The following EYS variants were observed in gnomAD, a reference collection of about 807,000 sequenced individuals.
EYS encodes EGF-like photoreceptor maintenance factor, also known as protein eyes shut homolog.
Under a neutral mutation model 282.1 loss-of-function variants are expected in EYS, and 250 were observed. That is an observed-to-expected ratio of 0.89 (90% CI 0.80 to 0.98). The LOEUF (loss-of-function observed/expected upper bound fraction) is 0.98, where lower values mean the gene tolerates loss of function less well. EYS is among the 50% of genes least tolerant of loss of function. The pLI, the probability that EYS is intolerant of heterozygous loss-of-function variation, is 0.00. For synonymous variants in EYS, 1,355 were observed against 1,282.9 expected (o/e 1.06, Z -1.20); for missense variants, 4,016 against 3,709.0 (o/e 1.08, Z -2.15).
chr6:64,772,954 G>A (rs989832485), intron 22 of EYS, among the ~76,000 whole-genome samples: 1 of 151,778 alleles, frequency 6.6e-6, no homozygotes, highest in African/African-American at 2.4e-5. Flanking sequence ...TACAGAAAGA[G>A]GAAGAGTGAC....
At chr6:65,580,086 C>A (rs905646431) in intron 2 of EYS, among the ~76,000 whole-genome samples, 5 of 151,866 alleles carry the variant, frequency 3.3e-5, no homozygotes, top group African/African-American at 1.2e-4. Context: ...TTTTACAGAC[C>A]TAAGACACAT....
At chr6:63,836,367 CCAAAAAATGACATTTCTAG>C (rs1281091321) in intron 36 of EYS, among the ~76,000 whole-genome samples, 1 of 151,082 alleles carries the variant, frequency 6.6e-6, no homozygotes, top group Non-Finnish European at 1.5e-5. Flanking sequence ...TTGTCTTTTA[CCAAAAAATGACATTTCTAG>C]CAAAATAAGA....
At chr6:64,580,961 TG>T (rs1766040875) in intron 26 of EYS, among the ~76,000 whole-genome samples, 1 of 152,016 alleles carries the variant, frequency 6.6e-6, no homozygotes, top group Non-Finnish European at 1.5e-5. Context: ...AAAGGAAATA[TG>T]GGTAGGGAGA....
intron 12 of EYS, among the ~76,000 whole-genome samples, chr6:65,083,221 G>A (rs1025630561): frequency 2.6e-5 from 4 of 151,964 alleles, no homozygotes; most frequent in African/African-American, 4.8e-5. Flanking sequence ...GGGGTGGGGA[G>A]TCCTTCAATA....
intron 2 of EYS, among the ~76,000 whole-genome samples, chr6:65,583,105 G>A (rs1430578781): frequency 6.6e-6 from 1 of 151,896 alleles, no homozygotes; most frequent in Non-Finnish European, 1.5e-5. Flanking sequence ...AAAGAAATTT[G>A]AATTCCATGT....
intron 31 of EYS, among the ~76,000 whole-genome samples, chr6:64,116,170 C>A (rs577589791): frequency 1.3e-5 from 2 of 152,114 alleles, no homozygotes; most frequent in South Asian, 4.2e-4. Context: ...AGAAGAAAGA[C>A]TTGACTTCTG....
At chr6:64,967,108 C>G (rs1770120050) in intron 14 of EYS, among the ~76,000 whole-genome samples, 1 of 152,144 alleles carries the variant, frequency 6.6e-6, no homozygotes, top group Admixed American at 6.6e-5. Flanking sequence ...GGGATATTAT[C>G]TTTAGCTTCA....
intron 13 of EYS, among the ~76,000 whole-genome samples, chr6:65,047,370 G>C (rs1244197538): frequency 6.6e-6 from 1 of 151,736 alleles, no homozygotes; most frequent in Admixed American, 6.6e-5. Flanking sequence ...TGTTGATCTT[G>C]ACAAAGTCCA....
intron 22 of EYS, among the ~76,000 whole-genome samples, chr6:64,756,128 AATTCTTTAGGT>A (rs1248013900): frequency 6.6e-6 from 1 of 152,076 alleles, no homozygotes; most frequent in Admixed American, 6.5e-5. Flanking sequence ...TGACCCCCAA[AATTCTTTAGGT>A]ATTCAACATT....
chr6:65,129,768 G>T (rs973955083), intron 12 of EYS, among the ~76,000 whole-genome samples: 1 of 151,776 alleles, frequency 6.6e-6, no homozygotes, highest in African/African-American at 2.4e-5. Flanking sequence ...AAAGAACTAA[G>T]AATTGAACTA....
At chr6:64,345,803 C>T (rs1379224427) in intron 29 of EYS, among the ~76,000 whole-genome samples, 12 of 152,062 alleles carry the variant, frequency 7.9e-5, no homozygotes, top group Admixed American at 6.6e-4. Flanking sequence ...ACCTACTTCT[C>T]TGACAAAGGG....
At chr6:64,380,981 C>A (rs1436735845) in intron 29 of EYS, among the ~76,000 whole-genome samples, 1 of 148,900 alleles carries the variant, frequency 6.7e-6, no homozygotes, top group Non-Finnish European at 1.5e-5. Context: ...CGTGCCACTG[C>A]ACTCCAGCCT....
chr6:64,167,557 G>C (rs1246406769), intron 31 of EYS, among the ~76,000 whole-genome samples: 2 of 152,082 alleles, frequency 1.3e-5, no homozygotes, highest in Non-Finnish European at 2.9e-5. Flanking sequence ...ATTCAGGGCA[G>C]GTTACAAGAA....
intron 29 of EYS, among the ~76,000 whole-genome samples, chr6:64,378,740 GA>G (rs1772647106): frequency 6.6e-6 from 1 of 152,130 alleles, no homozygotes; most frequent in African/African-American, 2.4e-5. Context: ...AGGGAGCTAG[GA>G]ATCCAACTCC....
intron 11 of EYS, chr6:65,329,830 T>A (rs1405385318): frequency 1.0e-6 from 1 of 983,014 alleles, no homozygotes; most frequent in Non-Finnish European, 1.2e-6. Flanking sequence ...GCTCTATTTT[T>A]ACAAGCCTCC....
intron 36 of EYS, among the ~76,000 whole-genome samples, chr6:63,854,040 G>C (rs958637440): frequency 5.3e-5 from 8 of 152,206 alleles, no homozygotes; most frequent in Non-Finnish European, 8.8e-5. Flanking sequence ...GTGGAAGACA[G>C]TGTGGTGATT....
At chr6:64,886,944 T>TG in intron 18 of EYS, 102 bp from the exon 19 acceptor site, 1 of 757,042 alleles carries the variant, frequency 1.3e-6, no homozygotes, top group Non-Finnish European at 2.0e-6. Flanking sequence ...TTCAACTTAA[T>TG]TGAAATAAAT....
intron 12 of EYS, among the ~76,000 whole-genome samples, chr6:65,074,628 G>A (rs957736329): frequency 1.1e-4 from 16 of 152,108 alleles, no homozygotes; most frequent in African/African-American, 3.9e-4. Flanking sequence ...AAGTGAGTGC[G>A]AAATAGCAGC....
intron 33 of EYS, among the ~76,000 whole-genome samples, chr6:64,029,131 C>T (rs903241246): frequency 6.6e-6 from 1 of 152,150 alleles, no homozygotes; most frequent in African/African-American, 2.4e-5. Flanking sequence ...GCAGAAACAG[C>T]CTTCAAAACC....
Sources: allele counts gnomAD v4.1 joint callset (sites outside exome capture counted in the v4.1 genomes callset), GRCh38; gene constraint gnomAD v4.1.1; transcripts MANE v1.5; gene names NCBI Gene and HGNC (gene_info 2026-07-23, HGNC 2026-07-21).